LEUTX: variants seen among roughly 807,000 people sequenced by gnomAD.
The protein encoded by LEUTX is paired-like homeodomain transcription factor LEUTX.
Under a neutral mutation model 4.5 loss-of-function variants are expected in LEUTX, and 5 were observed. The observed-to-expected ratio is 1.11, with a 90% CI of 0.58 to 2.34. The LOEUF (loss-of-function observed/expected upper bound fraction) is 2.34. LEUTX is among the 30% of genes most tolerant of loss of function. The pLI is 0.01. For synonymous variants in LEUTX, 89 were observed against 85.1 expected (o/e 1.05, Z -0.25); for missense variants, 233 against 239.4 (o/e 0.97, Z 0.18).
At chr19:39,784,156 C>T (rs1178790596) in intron 1 of LEUTX, among the ~76,000 whole-genome samples, 7 of 151,976 alleles carry the variant, frequency 4.6e-5, no homozygotes, top group Non-Finnish European at 7.4e-5. Context: ...GATTTCTCCC[C>T]TCATTTCTTG....
chr19:39,785,470 C>G (rs546960090), intron 2 of LEUTX, among the ~76,000 whole-genome samples: 111 of 151,972 alleles, frequency 7.3e-4, no homozygotes, highest in African/African-American at 2.3e-3. Context: ...ATAAAAACAC[C>G]CTTCTATTTA....
At chr19:39,778,566 C>T (rs191695552), upstream of LEUTX, among the ~76,000 whole-genome samples, 19 of 152,078 alleles carry the variant, frequency 1.2e-4, no homozygotes, top group African/African-American at 4.3e-4. Flanking sequence ...TGTTTATTTA[C>T]TCATTGATCC....
chr19:39,784,660 T>C lies in LEUTX; in HGVS notation c.141T>C (p.Leu47=). ...TMGKLASKLQ[L]DLSVVKIWFK... The stretch of plus-strand genomic sequence containing the variant: ...GGAAACTGGCTTCAAAGCTACAACT[T>C]GATCTATCCGTAGTAAAGGTCTGTT... The change falls in exon 2 of 3, where the codon CTT becomes CTC. Residue 47 remains leucine (L), a synonymous_variant. Transcript: ENST00000638280. 6.4e-7 allele frequency: 1 copy of C among 1,551,612 alleles called. No homozygotes were observed. Among genetic ancestry groups the C allele is most frequent in the Non-Finnish European group, 8.7e-7 (1 of 1,146,932 alleles).
chr19:39,780,835 A>G (rs1967874307), intron 1 of LEUTX, among the ~76,000 whole-genome samples: 1 of 151,542 alleles, frequency 6.6e-6, no homozygotes, highest in Non-Finnish European at 1.5e-5. Flanking sequence ...TTTAACATTT[A>G]TAGATTTTCT....
chr19:39,784,958 C>T (rs749010228), intron 2 of LEUTX, among the ~76,000 whole-genome samples: 1 of 152,142 alleles, frequency 6.6e-6, no homozygotes, highest in Non-Finnish European at 1.5e-5. Flanking sequence ...CTCTTTGAGG[C>T]TGGATCTCAG....
chr19:39,783,498 T>C (rs1395278046), intron 1 of LEUTX, among the ~76,000 whole-genome samples: 1 of 151,696 alleles, frequency 6.6e-6, no homozygotes, highest in Non-Finnish European at 1.5e-5. Context: ...TAATGACTTA[T>C]TTTCCTCTGG....
Position 39,784,664 on chromosome 19 carries a change from C to CT in LEUTX, c.146dup (p.Ser50IlefsTer60). ...ACTGGCTTCAAAGCTACAACTTGAT[C>CT]TATCCGTAGTAAAGGTCTGTTCCCA... is the stretch of plus-strand genomic sequence containing the variant. On this transcript the variant is annotated frameshift_variant, in exon 2 of 3. Coordinates refer to ENST00000638280, the MANE Select transcript of LEUTX (RefSeq NM_001382345.1). LOFTEE classifies it low-confidence loss of function (END_TRUNC). 6.4e-7 allele frequency: 1 copy of CT among 1,551,564 alleles called. No individual in the cohort carries two copies. The highest frequency in any genetic ancestry group is 8.7e-7 in the Non-Finnish European group (1 of 1,146,858).
intron 1 of LEUTX, among the ~76,000 whole-genome samples, chr19:39,783,406 A>C (rs1465314743): frequency 6.7e-6 from 1 of 149,516 alleles, no homozygotes; most frequent in Non-Finnish European, 1.5e-5. Context: ...CACTCAATTG[A>C]TGGACATTTG....
chr19:39,781,096 TTC>T (rs1404799134), intron 1 of LEUTX, among the ~76,000 whole-genome samples: 1 of 152,118 alleles, frequency 6.6e-6, no homozygotes, highest in East Asian at 1.9e-4. Flanking sequence ...TTTTCTCTCT[TTC>T]TCTCTGTCTC....
At chr19:39,782,972 A>C (rs967160758) in intron 1 of LEUTX, among the ~76,000 whole-genome samples, 1 of 151,908 alleles carries the variant, frequency 6.6e-6, no homozygotes, top group African/African-American at 2.4e-5. Flanking sequence ...ATTTTGGTGC[A>C]CCCACCAACC....
chr19:39,784,463 T>C (rs1967934333), intron 1 of LEUTX, 64 bp from the exon 2 acceptor site: 1 of 687,876 alleles, frequency 1.5e-6, no homozygotes, highest in East Asian at 2.7e-5. Context: ...TCCCTTGATG[T>C]AGTACTCTCC....
At chr19:39,780,427 G>A (rs1319340193) in intron 1 of LEUTX, among the ~76,000 whole-genome samples, 3 of 152,024 alleles carry the variant, frequency 2.0e-5, no homozygotes, top group African/African-American at 7.3e-5. Flanking sequence ...TTGCAACAAC[G>A]ATCCTTTTGT....
chr19:39,778,663 C>CTTT (rs34540141), upstream of LEUTX, among the ~76,000 whole-genome samples: 62 of 119,620 alleles, frequency 5.2e-4, no homozygotes, highest in African/African-American at 1.7e-3. Context: ...AAGGATCAGT[C>CTTT]TTTTTTTTTT....
Position 39,785,986 on chromosome 19 carries a change from GCTT to G in LEUTX, c.450_452del (p.Ser151del), listed in dbSNP as rs532813481. On this transcript the variant is annotated inframe_deletion, in exon 3 of 3. Coordinates refer to ENST00000638280, the MANE Select transcript of LEUTX (RefSeq NM_001382345.1). ...TGACATTGAACAGATATGTCTGGGG[GCTT>G]CAAATCCTCCTTGGGCCTCCACTCT... 2.6e-6 allele frequency: 4 copies of G among 1,551,736 alleles called. No individual in the cohort carries two copies. The highest frequency in any genetic ancestry group is 3.5e-6 in the Non-Finnish European group (4 of 1,147,010).
intron 2 of LEUTX, among the ~76,000 whole-genome samples, chr19:39,785,205 G>A (rs1250517959): frequency 6.6e-6 from 1 of 152,192 alleles, no homozygotes; most frequent in Non-Finnish European, 1.5e-5. Flanking sequence ...TTGGGAGGTG[G>A]AGGCAGGAGG....
intron 1 of LEUTX, 122 bp from the exon 2 acceptor site, chr19:39,784,405 G>A (rs1260507812): frequency 9.1e-6 from 5 of 548,638 alleles, no homozygotes; most frequent in Admixed American, 6.2e-5. Flanking sequence ...TCAGAGGGAC[G>A]GTCTAGGGCT....
intron 1 of LEUTX, among the ~76,000 whole-genome samples, chr19:39,780,086 A>G (rs1030498220): frequency 2.0e-5 from 3 of 152,248 alleles, no homozygotes; most frequent in African/African-American, 7.2e-5. Context: ...TTAACTTCTT[A>G]AAATGATTTG....
At chr19:39,779,623 T>G (rs1044048829) in intron 1 of LEUTX, among the ~76,000 whole-genome samples, 1 of 152,274 alleles carries the variant, frequency 6.6e-6, no homozygotes, top group Non-Finnish European at 1.5e-5. Context: ...TTTTTCAATT[T>G]ACTTATGAGT....
intron 2 of LEUTX, 22 bp downstream of exon 2, chr19:39,784,700 T>C: frequency 1.3e-6 from 2 of 1,533,374 alleles, no homozygotes; most frequent in African/African-American, 2.7e-5. Flanking sequence ...AGTGTGTCTG[T>C]AGGTAGCACG....
Sources: allele counts gnomAD v4.1 joint callset (sites outside exome capture counted in the v4.1 genomes callset), GRCh38; gene constraint gnomAD v4.1.1; transcripts MANE v1.5; gene names NCBI Gene and HGNC (gene_info 2026-07-23, HGNC 2026-07-21).